Variants in ZMIZ1 observed in about 807,000 individuals in gnomAD.
ZMIZ1 encodes zinc finger MIZ domain-containing protein 1.
In ZMIZ1, 17 loss-of-function variants were observed where a neutral mutation model predicts 113.9. The observed-to-expected ratio is 0.15, with a 90% CI of 0.10 to 0.22. ZMIZ1 has a LOEUF of 0.22. Ranked by LOEUF, ZMIZ1 falls within the 10% of genes least tolerant of loss-of-function variation. The pLI is 1.00. For synonymous variants in ZMIZ1, 607 were observed against 603.1 expected, an observed-to-expected ratio of 1.01 and a Z score of -0.09; for missense variants, 1,059 against 1,477.8, an observed-to-expected ratio of 0.72 and a Z score of 4.65.
At chr10:79,190,381 G>A (rs905098604) in intron 4 of ZMIZ1, among the ~76,000 whole-genome samples, 2 of 152,184 alleles carry the variant, frequency 1.3e-5, no homozygotes, top group Non-Finnish European at 1.5e-5. Flanking sequence ...TCAAGGCTCT[G>A]CTCTACGCTC....
chr10:79,304,932 C>T (rs1854577756), intron 19 of ZMIZ1, among the ~76,000 whole-genome samples: 1 of 152,122 alleles, frequency 6.6e-6, no homozygotes, highest in Non-Finnish European at 1.5e-5. Flanking sequence ...AGGATGTAGG[C>T]ACAGGGTCAT....
At chr10:79,257,507 G>A (rs139240739) in intron 7 of ZMIZ1, among the ~76,000 whole-genome samples, 15 of 152,366 alleles carry the variant, frequency 9.8e-5, no homozygotes, top group Non-Finnish European at 1.8e-4. Context: ...CCTGGGCTTG[G>A]CCTGCAGAGC....
intron 1 of ZMIZ1, among the ~76,000 whole-genome samples, chr10:79,105,390 G>C (rs1843519539): frequency 6.6e-6 from 1 of 152,236 alleles, no homozygotes; most frequent in Non-Finnish European, 1.5e-5. Flanking sequence ...CCACCTCTCT[G>C]AGCCTCTTCT....
intron 2 of ZMIZ1, among the ~76,000 whole-genome samples, chr10:79,121,738 C>T (rs1388855231): frequency 4.6e-5 from 7 of 152,142 alleles, no homozygotes; most frequent in Admixed American, 2.6e-4. Context: ...TGGTAGGTAC[C>T]ACTATGGAAG....
chr10:79,218,723 C>T (rs1385278163), intron 7 of ZMIZ1, among the ~76,000 whole-genome samples: 1 of 151,996 alleles, frequency 6.6e-6, no homozygotes, highest in Non-Finnish European at 1.5e-5. Flanking sequence ...GCAGCAGTCT[C>T]CCCTGAGACC....
Position 79,233,950 on chromosome 10 carries a change from TA to T in ZMIZ1, c.280+17678del, listed in dbSNP as rs551833200. On this transcript the variant is annotated intron_variant, in intron 7 of 24. Transcript: ENST00000334512. ...GCAAACCAGAGTGTATATATGTCTT[TA>T]AGGGTCTTGCCGGGGGAGTCAGGCG... 1.1e-3 allele frequency among the ~76,000 whole-genome samples: 174 copies of T among 152,184 alleles called. 2 individuals carry two copies. The South Asian group carries it at 0.036, about 31-fold the overall frequency.
intron 4 of ZMIZ1, 136 bp downstream of exon 4, chr10:79,162,269 A>T (rs1289700668): frequency 2.5e-6 from 1 of 396,602 alleles, no homozygotes; most frequent in Admixed American, 4.4e-5. Context: ...GGCACAAGCC[A>T]CCTTTGCTGG....
intron 6 of ZMIZ1, among the ~76,000 whole-genome samples, chr10:79,214,731 T>C (rs545111061): frequency 6.6e-6 from 1 of 152,318 alleles, no homozygotes; most frequent in East Asian, 1.9e-4. Flanking sequence ...AGTACCAGCC[T>C]ACCACATCTG....
rs1852352067 is a variant in ZMIZ1 at position 79,277,221 on chromosome 10, G to A, written c.321G>A (p.Leu107=). The A allele has an allele frequency of 2.5e-6, 4 of 1,586,004 alleles. No individual in the cohort carries two copies. The highest frequency in any genetic ancestry group is 1.4e-5 in the African/African-American group (1 of 73,206). Residue 107 remains leucine (L), a synonymous_variant, in exon 8 of 25, where the codon CTG becomes CTA. Coordinates refer to ENST00000334512, the MANE Select transcript of ZMIZ1 (RefSeq NM_020338.4). The part of the protein sequence containing the change: ...SSWCEELGRL[L]LLRHQKSRQS... ...GGTGCGAAGAGCTCGGCCGCCTGCT[G>A]CTGCTCCGACATCAGAAGAGCCGCC...
intron 7 of ZMIZ1, among the ~76,000 whole-genome samples, chr10:79,234,743 C>T (rs1345099866): frequency 6.6e-6 from 1 of 152,238 alleles, no homozygotes; most frequent in East Asian, 1.9e-4. Flanking sequence ...GACCTCTTGC[C>T]TGGCCCACCT....
chr10:79,172,701 G>A (rs1198564536), intron 4 of ZMIZ1, among the ~76,000 whole-genome samples: 1 of 152,160 alleles, frequency 6.6e-6, no homozygotes, highest in Non-Finnish European at 1.5e-5. Context: ...CTGTCATATG[G>A]AGCATGAGGG....
Position 79,312,846 on chromosome 10 carries a change from C to G in ZMIZ1, c.*97C>G, listed in dbSNP as rs575046824. 8.6e-7 allele frequency: 1 copy of G among 1,166,752 alleles called. No homozygotes were observed. Among genetic ancestry groups the G allele is most frequent in the Non-Finnish European group, 1.2e-6 (1 of 803,282 alleles). 72.3% of individuals were successfully genotyped at this position (1,166,752 alleles called of 1,614,324 possible). On this transcript the variant is annotated 3_prime_UTR_variant, in exon 25 of 25. Coordinates refer to ENST00000334512, the MANE Select transcript of ZMIZ1 (RefSeq NM_020338.4). ...GGGAGCCTGTGCCCTCAGACCGCCC[C>G]GCACCAGAGCCACGGGCTGTGGGGC...
chr10:79,243,156 GC>G (rs1245603248), intron 7 of ZMIZ1, among the ~76,000 whole-genome samples: 1 of 151,304 alleles, frequency 6.6e-6, no homozygotes, highest in Non-Finnish European at 1.5e-5. Context: ...CTCCCCCGGA[GC>G]CCCCAGCCCC....
chr10:79,275,036 G>A (rs1352901000), intron 7 of ZMIZ1, among the ~76,000 whole-genome samples: 3 of 152,256 alleles, frequency 2.0e-5, no homozygotes, highest in African/African-American at 7.2e-5. Flanking sequence ...CCGTCACTGC[G>A]ATCCAGCGGG....
intron 4 of ZMIZ1, among the ~76,000 whole-genome samples, chr10:79,188,211 T>TAG (rs1018073113): frequency 4.6e-5 from 7 of 152,172 alleles, no homozygotes; most frequent in Admixed American, 2.0e-4. Flanking sequence ...GGGCCTCAGG[T>TAG]AGAGAATCCT....
chr10:79,173,650 T>G (rs1487943035), intron 4 of ZMIZ1, among the ~76,000 whole-genome samples: 4 of 152,346 alleles, frequency 2.6e-5, no homozygotes, highest in East Asian at 1.9e-4. Context: ...TGTTAATCAC[T>G]ATGTTATCCT....
At chr10:79,204,274 G>A (rs1470054784) in intron 5 of ZMIZ1, among the ~76,000 whole-genome samples, 2 of 152,058 alleles carry the variant, frequency 1.3e-5, no homozygotes, top group African/African-American at 4.8e-5. Flanking sequence ...CCCACCCTCT[G>A]CACCCTGCTG....
chr10:79,139,663 C>T lies in ZMIZ1; in HGVS notation c.-226-19C>T. ...CGGCCTGCTCTCACACACGTCTCAT[C>T]TCTCCCCTGTGTACCCAGGAGGAAG... On this transcript the variant is annotated intron_variant, in intron 2 of 24. Transcript: ENST00000334512. The T allele has an allele frequency of 2.5e-6, 1 of 398,726 alleles. No homozygotes were observed. The highest frequency in any genetic ancestry group is 4.4e-6 in the Non-Finnish European group (1 of 226,064). 24.7% of individuals were successfully genotyped at this position (398,726 alleles called of 1,614,324 possible).
rs34181232 is a variant in ZMIZ1, at chr10:79,302,861, G to GTTTTTTTT, written c.2125+660_2125+667dup. Among the ~76,000 whole-genome samples the GTTTTTTTT allele has an allele frequency of 1.7e-5, 2 of 116,006 alleles. 1 individual carries two copies. The highest frequency in any genetic ancestry group is 3.6e-5 in the Non-Finnish European group (2 of 56,234). 76.1% of individuals were successfully genotyped at this position (116,006 alleles called of 152,430 possible). A position where few individuals can be genotyped will look rare whatever the true frequency, so the allele number is the denominator to read the frequency against. ...GGTGCATGCCACCACGCCCAGCTAA[G>GTTTTTTTT]TTTTTTTTTTTTTTTTTTGAGACGG... On this transcript the variant is annotated intron_variant, in intron 18 of 24. Transcript: ENST00000334512.
Sources: allele counts gnomAD v4.1 joint callset (sites outside exome capture counted in the v4.1 genomes callset), GRCh38; gene constraint gnomAD v4.1.1; transcripts MANE v1.5; gene names NCBI Gene and HGNC (gene_info 2026-07-23, HGNC 2026-07-21).